TDRD5: variants seen among roughly 807,000 people sequenced by gnomAD.
TDRD5 encodes the protein tudor domain-containing protein 5.
Under a neutral mutation model 120.6 loss-of-function variants are expected in TDRD5, and 41 were observed. The ratio of observed to expected loss-of-function variants is 0.34; its 90% confidence interval spans 0.26 to 0.44. The LOEUF is 0.44. TDRD5 is among the 20% of genes least tolerant of loss of function. The probability of loss-of-function intolerance (pLI) is 1.00; values close to 1 mark genes in which losing one functional copy is unlikely to be tolerated. For synonymous variants in TDRD5, 430 were observed against 433.7 expected, an observed-to-expected ratio of 0.99 and a Z score of 0.11; for missense variants, 1,006 against 1,221.2, an observed-to-expected ratio of 0.82 and a Z score of 2.63.
chr1:179,604,052 A>C (rs1404267685), intron 4 of TDRD5, among the ~76,000 whole-genome samples: 1 of 151,808 alleles, frequency 6.6e-6, no homozygotes, highest in African/African-American at 2.4e-5. Flanking sequence ...TTTCAATTTC[A>C]CTGTTTATTA....
At chr1:179,658,513 T>C (rs1679119781) in intron 14 of TDRD5, among the ~76,000 whole-genome samples, 1 of 152,192 alleles carries the variant, frequency 6.6e-6, no homozygotes, top group Non-Finnish European at 1.5e-5. Flanking sequence ...AGTGACTCAT[T>C]TAAGTTATCA....
intron 17 of TDRD5, among the ~76,000 whole-genome samples, chr1:179,671,949 GGTGTGTGT>G (rs111855083): frequency 0.03 from 4,252 of 141,756 alleles, 186 homozygotes; most frequent in African/African-American, 0.096. Context: ...AATATTCCAT[GGTGTGTGT>G]GTGTGTGTGT....
chr1:179,600,697 C>G (rs1002089396), intron 4 of TDRD5, among the ~76,000 whole-genome samples: 1 of 152,020 alleles, frequency 6.6e-6, no homozygotes, highest in African/African-American at 2.4e-5. Flanking sequence ...CCTCTTTGCT[C>G]TTAAGGTAGA....
intron 6 of TDRD5, among the ~76,000 whole-genome samples, chr1:179,623,625 CTTTTTTTTTT>C (rs11428251): frequency 0.024 from 2,357 of 97,950 alleles, 62 homozygotes; most frequent in African/African-American, 0.08. Context: ...CCAACTCATT[CTTTTTTTTTT>C]TTTTTTTTTT....
chr1:179,660,952 G>A (rs1164912067), intron 14 of TDRD5, among the ~76,000 whole-genome samples: 2 of 152,086 alleles, frequency 1.3e-5, no homozygotes, highest in Non-Finnish European at 1.5e-5. Flanking sequence ...GCTGTATATA[G>A]AAACCTGGGT....
At chr1:179,633,254 CCAT>C (rs1401683681) in intron 7 of TDRD5, among the ~76,000 whole-genome samples, 1 of 151,986 alleles carries the variant, frequency 6.6e-6, no homozygotes, top group Non-Finnish European at 1.5e-5. Context: ...CATTTTTTCA[CCAT>C]CACAAAAAAA....
chr1:179,631,817 C>G (rs1572371915), intron 7 of TDRD5, among the ~76,000 whole-genome samples: 1 of 147,496 alleles, frequency 6.8e-6, no homozygotes, highest in Non-Finnish European at 1.5e-5. Context: ...TGTATCCACT[C>G]CAGGATAATA....
intron 4 of TDRD5, among the ~76,000 whole-genome samples, chr1:179,613,645 T>C (rs1676401036): frequency 6.6e-6 from 1 of 152,226 alleles, no homozygotes; most frequent in Admixed American, 6.5e-5. Flanking sequence ...TCTTTCATTG[T>C]GTCCCCACAA....
chr1:179,631,249 A>G (rs908472843), intron 7 of TDRD5, among the ~76,000 whole-genome samples: 2 of 152,030 alleles, frequency 1.3e-5, no homozygotes, highest in Admixed American at 6.5e-5. Context: ...AAAACTAGCC[A>G]GGCGTGGTGG....
chr1:179,654,857 A>T (rs1462488485), intron 14 of TDRD5, among the ~76,000 whole-genome samples: 1 of 152,200 alleles, frequency 6.6e-6, no homozygotes, highest in Non-Finnish European at 1.5e-5. Context: ...AAAAAAAGGT[A>T]TCTGGCTTTG....
intron 15 of TDRD5, among the ~76,000 whole-genome samples, chr1:179,662,785 A>G (rs567919639): frequency 6.6e-6 from 1 of 152,302 alleles, no homozygotes; most frequent in South Asian, 2.1e-4. Context: ...GGGACAATAA[A>G]CCATAGGCCA....
At chr1:179,597,595 G>A (rs1422554260) in intron 4 of TDRD5, among the ~76,000 whole-genome samples, 1 of 152,052 alleles carries the variant, frequency 6.6e-6, no homozygotes, top group Non-Finnish European at 1.5e-5. Context: ...TTCCCAAAGT[G>A]CTGGGATTGC....
chr1:179,687,417 A>G (rs1233073506), intron 17 of TDRD5, among the ~76,000 whole-genome samples: 1 of 152,184 alleles, frequency 6.6e-6, no homozygotes, highest in East Asian at 1.9e-4. Context: ...ACAGTTTGTT[A>G]TAATTTCTAT....
intron 14 of TDRD5, among the ~76,000 whole-genome samples, chr1:179,659,555 G>A (rs927629945): frequency 1.5e-5 from 1 of 65,844 alleles, no homozygotes; most frequent in Non-Finnish European, 4.7e-5. Context: ...GTTTTCGTGT[G>A]TGTGTGTGTG....
Position 179,669,355 on chromosome 1 carries a change from C to G in TDRD5, c.2811C>G (p.Pro937=). ...PKQIQLSTAA[P]CSTTAVDDSA... ...AAATTCAGCTTTCCACAGCAGCACC[C>G]TGTTCAACAACTGCAGTGGATGATT... The change falls in exon 17 of 18, where the codon CCC becomes CCG. Residue 937 remains proline, a synonymous_variant. Transcript: ENST00000444136. 11 of 1,614,186 alleles carry G rather than the reference C, an allele frequency of 6.8e-6. No homozygotes were observed. Among genetic ancestry groups the G allele is most frequent in the Non-Finnish European group, 9.3e-6 (11 of 1,180,036 alleles).
chr1:179,653,666 A>G (rs1369495585), intron 13 of TDRD5, among the ~76,000 whole-genome samples: 1 of 152,194 alleles, frequency 6.6e-6, no homozygotes, highest in African/African-American at 2.4e-5. Flanking sequence ...TGGAAATGAA[A>G]TAAGAACCAT....
Position 179,630,900 on chromosome 1 carries a change from A to T in TDRD5, c.1106A>T (p.Asp369Val). ...GHQDLLVFDA[D>V]KKPLPPVQSD... ...CAAGACTTACTAGTGTTTGATGCGG[A>T]TAAGAAGCCTCTACCACCTGGTGAG... Residue 369 changes from aspartate to valine, a missense_variant, in exon 7 of 18, where the codon GAT (aspartate) becomes GTT (valine). This residue lies in a region of TDRD5 where 445 missense variants were observed against 515.5 expected (regional missense o/e 0.86). Coordinates refer to ENST00000444136, the MANE Select transcript of TDRD5 (RefSeq NM_001199085.3). The T allele has an allele frequency of 6.2e-7, 1 of 1,613,308 alleles. No individual in the cohort carries two copies. The highest frequency in any genetic ancestry group is 8.5e-7 in the Non-Finnish European group (1 of 1,179,594).
intron 5 of TDRD5, among the ~76,000 whole-genome samples, chr1:179,619,687 A>T (rs1014755698): frequency 3.3e-5 from 5 of 151,708 alleles, no homozygotes; most frequent in Non-Finnish European, 5.9e-5. Context: ...CCGTGGTGCA[A>T]TCATAGCTCA....
intron 11 of TDRD5, among the ~76,000 whole-genome samples, chr1:179,642,848 A>G (rs1013387746): frequency 6.6e-6 from 1 of 152,224 alleles, no homozygotes; most frequent in Admixed American, 6.5e-5. Flanking sequence ...ACAGACTATT[A>G]TGCCCATTAG....
Sources: allele counts gnomAD v4.1 joint callset (sites outside exome capture counted in the v4.1 genomes callset), GRCh38; gene constraint gnomAD v4.1.1; regional missense constraint gnomAD v4.1.1; transcripts MANE v1.5; gene names NCBI Gene and HGNC (gene_info 2026-07-23, HGNC 2026-07-21).